The following NHS variants were observed in gnomAD, a reference collection of about 807,000 sequenced individuals.
NHS encodes the protein actin remodeling regulator NHS.
Under a neutral mutation model 72.5 loss-of-function variants are expected in NHS, and 5 were observed. That is an observed-to-expected ratio of 0.07 (90% CI 0.04 to 0.14). The LOEUF (loss-of-function observed/expected upper bound fraction) is 0.14. NHS is among the 10% of genes least tolerant of loss of function. The pLI is 1.00. For synonymous variants in NHS, 464 were observed against 547.7 expected, an observed-to-expected ratio of 0.85 and a Z score of 2.13; for missense variants, 1,072 against 1,355.7, an observed-to-expected ratio of 0.79 and a Z score of 3.29.
intron 1 of NHS, among the ~76,000 whole-genome samples, chrX:17,505,010 A>G (rs2065050416): frequency 9.1e-6 from 1 of 110,199 alleles, no homozygotes; most frequent in African/African-American, 3.3e-5. Context: ...TCAACTACCT[A>G]TGTGTGTGTG....
intron 1 of NHS, among the ~76,000 whole-genome samples, chrX:17,559,751 C>A (rs1364255557): frequency 2.7e-5 from 3 of 111,847 alleles, no homozygotes; most frequent in African/African-American, 9.8e-5. Flanking sequence ...GAGCCCTCAT[C>A]CACTTAATAA....
At chrX:17,597,797 G>A (rs1216604037) in intron 1 of NHS, among the ~76,000 whole-genome samples, 1 of 110,510 alleles carries the variant, frequency 9.0e-6, no homozygotes, top group Non-Finnish European at 1.9e-5. Context: ...GCCACACCGC[G>A]GGTACCTGAT....
intron 1 of NHS, among the ~76,000 whole-genome samples, chrX:17,581,262 G>A (rs765221401): frequency 8.9e-6 from 1 of 112,180 alleles, no homozygotes; most frequent in South Asian, 3.8e-4. Context: ...CTGGAGAGGA[G>A]TGAAAGTGTG....
chrX:17,695,522 A>G (rs1429388847), intron 3 of NHS, among the ~76,000 whole-genome samples: 1 of 111,971 alleles, frequency 8.9e-6, no homozygotes, highest in Non-Finnish European at 1.9e-5. Flanking sequence ...GTATGTGTAC[A>G]TATACATACG....
intron 1 of NHS, among the ~76,000 whole-genome samples, chrX:17,624,897 C>T (rs917689403): frequency 3.6e-5 from 4 of 112,146 alleles, no homozygotes; most frequent in Non-Finnish European, 7.5e-5. Flanking sequence ...CCCTCTAGAA[C>T]AGCAATTGTC....
intron 5 of NHS, among the ~76,000 whole-genome samples, chrX:17,721,844 A>T (rs1303969818): frequency 8.9e-6 from 1 of 112,029 alleles, no homozygotes; most frequent in Middle Eastern, 4.6e-3. Context: ...TATGTAAATT[A>T]TGGACAGTTT....
chrX:17,698,394 C>A (rs1192500224), intron 3 of NHS, among the ~76,000 whole-genome samples: 1 of 111,611 alleles, frequency 9.0e-6, no homozygotes, highest in Non-Finnish European at 1.9e-5. Context: ...CCAGAATTGG[C>A]GTCATTAGAA....
In NHS at chrX:17,545,627, T is replaced by C. The variant is rs142703059; in HGVS notation, c.566-142115T>C. Among the ~76,000 whole-genome samples, 1,056 of 112,131 alleles carry C rather than the reference T, an allele frequency of 9.4e-3. 10 individuals carry two copies. Among genetic ancestry groups the C allele is most frequent in the African/African-American group, 0.033 (1,017 of 30,841 alleles). On this transcript the variant is annotated intron_variant, in intron 1 of 8. Transcript: ENST00000676302. ...CATTCATTTGTTCAATAAATATTTTTGGAGTGTCTGCTGTCCAGGTACTCC... is the reference window on the plus strand; with the variant it reads ...CATTCATTTGTTCAATAAATATTTTCGGAGTGTCTGCTGTCCAGGTACTCC...
intron 1 of NHS, among the ~76,000 whole-genome samples, chrX:17,617,857 A>G (rs947793414): frequency 8.9e-5 from 10 of 112,245 alleles, no homozygotes; most frequent in Non-Finnish European, 7.5e-5. Context: ...ATGCTTCAGC[A>G]GCAGTTCACT....
rs780050215 is a variant in NHS, at chrX:17,731,994, A to G, written c.4486A>G (p.Ser1496Gly). 2 of 1,211,722 alleles carry G rather than the reference A, an allele frequency of 1.7e-6. No individual in the cohort carries two copies. The highest frequency in any genetic ancestry group is 2.2e-6 in the Non-Finnish European group (2 of 895,537). ...SPSSNVTTPN[S>G]QRSPGLIYRN... ...CAGCAGTAATGTGACAACCCCCAAC[A>G]GCCAGAGGTCTCCTGGTCTCATATA... The change falls in exon 9 of 9, where the codon AGC becomes GGC. Residue 1496 changes from serine (S) to glycine (G), a missense_variant. Ser to Gly is a moderately conservative substitution (Grantham distance 56). Coordinates refer to ENST00000676302, the MANE Select transcript of NHS (RefSeq NM_001291867.2).
At chrX:17,396,017 A>G (rs2064472907) in intron 1 of NHS, among the ~76,000 whole-genome samples, 1 of 112,200 alleles carries the variant, frequency 8.9e-6, no homozygotes, top group Non-Finnish European at 1.9e-5. Flanking sequence ...GATTATACAA[A>G]TGGATATTTA....
chrX:17,426,083 G>A (rs974316958), intron 1 of NHS: 1 of 112,241 alleles, frequency 8.9e-6, no homozygotes, highest in Non-Finnish European at 1.9e-5. Flanking sequence ...TTCCAGTGGT[G>A]TGGAGGATCC....
intron 1 of NHS, among the ~76,000 whole-genome samples, chrX:17,549,401 G>A (rs763538794): frequency 1.3e-4 from 14 of 110,514 alleles, no homozygotes; most frequent in Non-Finnish European, 2.3e-4. Context: ...GCAAAAATGT[G>A]GCCTCATCCC....
At position 17,732,425 on chromosome X, in the gene NHS, G is replaced by C. The variant is rs1027771210; in HGVS notation, c.4917G>C (p.Gly1639=). The C allele has an allele frequency of 1.7e-6, 2 of 1,211,235 alleles. No homozygotes were observed. Among genetic ancestry groups the C allele is most frequent in the African/African-American group, 3.5e-5 (2 of 57,518 alleles). Residue 1639 remains glycine, a synonymous_variant, in exon 9 of 9, where the codon GGG becomes GGC. Transcript: ENST00000676302. ...ISEGETENSD[G]SPHDDRSSQS... ...AGGGAGAGACGGAAAATTCTGACGGGAGCCCACATGACGACCGTTCCTCCC... is the reference window on the plus strand; with the variant it reads ...AGGGAGAGACGGAAAATTCTGACGGCAGCCCACATGACGACCGTTCCTCCC...
chrX:17,712,726 T>G (rs1445680237), intron 3 of NHS, among the ~76,000 whole-genome samples: 1 of 109,693 alleles, frequency 9.1e-6, no homozygotes, highest in Non-Finnish European at 1.9e-5. Flanking sequence ...GGGTGCATTT[T>G]GGGCTTCTTT....
At chrX:17,712,361 T>TACACACACACACACACACACAC (rs745619023) in intron 3 of NHS, among the ~76,000 whole-genome samples, 1 of 77,087 alleles carries the variant, frequency 1.3e-5, no homozygotes, top group African/African-American at 5.4e-5. Context: ...CACATTTGTA[T>TACACACACACACACACACACAC]ACACACACAC....
chrX:17,422,963 A>G (rs1266670634), intron 1 of NHS, among the ~76,000 whole-genome samples: 3 of 112,216 alleles, frequency 2.7e-5, no homozygotes, highest in African/African-American at 6.5e-5. Context: ...CAAAGTGGCA[A>G]TTCTGAAAAT....
At chrX:17,608,075 C>T (rs2065690707) in intron 1 of NHS, among the ~76,000 whole-genome samples, 1 of 108,980 alleles carries the variant, frequency 9.2e-6, no homozygotes, top group African/African-American at 3.4e-5. Context: ...CTACCATGCC[C>T]AGCTAATTTT....
chrX:17,416,792 A>ATGTG (rs770265000), intron 1 of NHS, among the ~76,000 whole-genome samples: 25 of 95,714 alleles, frequency 2.6e-4, no homozygotes, highest in South Asian at 5.2e-4. Flanking sequence ...ATGTAGGAGT[A>ATGTG]TGTGTGTGTG....
Sources: allele counts gnomAD v4.1 joint callset (sites outside exome capture counted in the v4.1 genomes callset), GRCh38; gene constraint gnomAD v4.1.1; transcripts MANE v1.5; gene names NCBI Gene and HGNC (gene_info 2026-07-23, HGNC 2026-07-21).